The following SYNPR variants were observed in gnomAD, a reference collection of about 807,000 sequenced individuals.
SYNPR encodes synaptoporin.
SYNPR carries 23 observed loss-of-function variants against 32.9 expected under a neutral mutation model. The ratio of observed to expected loss-of-function variants is 0.70; its 90% CI spans 0.50 to 0.99. SYNPR has a LOEUF of 0.99. Ranked by LOEUF, SYNPR falls within the 50% of genes least tolerant of loss-of-function variation. SYNPR has a pLI of 0.00. For missense variants in SYNPR, 318 were observed against 349.3 expected (o/e 0.91, Z 0.71); for synonymous variants, 146 against 135.9 (o/e 1.07, Z -0.52).
At chr3:63,532,296 A>G (rs892193207) in intron 3 of SYNPR, among the ~76,000 whole-genome samples, 6 of 152,210 alleles carry the variant, frequency 3.9e-5, no homozygotes, top group Non-Finnish European at 5.9e-5. Flanking sequence ...TATGTTCCAA[A>G]TAACAGTTCT....
chr3:63,497,635 T>A (rs896803884), intron 3 of SYNPR, among the ~76,000 whole-genome samples: 1 of 152,058 alleles, frequency 6.6e-6, no homozygotes, highest in African/African-American at 2.4e-5. Context: ...CTACTCTGAT[T>A]ACCATGGTCT....
chr3:63,376,365 A>T (rs1306878668), intron 2 of SYNPR, among the ~76,000 whole-genome samples: 2 of 152,174 alleles, frequency 1.3e-5, no homozygotes, highest in Admixed American at 1.3e-4. Context: ...ATCCCCTTTC[A>T]AAAACCTCTA....
intron 2 of SYNPR, among the ~76,000 whole-genome samples, chr3:63,344,212 G>A (rs2087407343): frequency 6.6e-6 from 1 of 152,118 alleles, no homozygotes; most frequent in South Asian, 2.1e-4. Flanking sequence ...ATTAAAAAAA[G>A]AAGACCCAAA....
At chr3:63,432,256 C>A (rs1439145214) in intron 2 of SYNPR, among the ~76,000 whole-genome samples, 3 of 152,074 alleles carry the variant, frequency 2.0e-5, no homozygotes, top group South Asian at 2.1e-4. Context: ...GAATCATCTC[C>A]CAAATAAACT....
At chr3:63,605,299 A>C (rs1360279733) in intron 4 of SYNPR, among the ~76,000 whole-genome samples, 1 of 152,208 alleles carries the variant, frequency 6.6e-6, no homozygotes, top group African/African-American at 2.4e-5. Flanking sequence ...AAGGATAAGA[A>C]AGGAATTCTG....
intron 3 of SYNPR, among the ~76,000 whole-genome samples, chr3:63,525,194 C>T (rs778466747): frequency 3.9e-5 from 6 of 152,152 alleles, no homozygotes; most frequent in Non-Finnish European, 5.9e-5. Flanking sequence ...CATCAAAATA[C>T]TAGTTTTCAT....
Position 63,609,166 on chromosome 3 carries a change from G to T in SYNPR, c.450G>T (p.Val150=). 1 of 1,610,932 alleles carries T rather than the reference G, an allele frequency of 6.2e-7. No homozygotes were observed. Among genetic ancestry groups the T allele is most frequent in the Non-Finnish European group, 8.5e-7 (1 of 1,178,538 alleles). ...TAGTCTTTTCGTTCTTGTGGTTGGT[G>T]GGTTCATCAGCTTGGGCAAAAGGAC... ...VTVVFSFLWL[V]GSSAWAKGLS... Residue 150 remains valine (V), a synonymous_variant, in exon 5 of 6, where the codon GTG becomes GTT. Transcript: ENST00000478300.
At chr3:63,540,042 C>G (rs188948270) in intron 3 of SYNPR, among the ~76,000 whole-genome samples, 27 of 152,270 alleles carry the variant, frequency 1.8e-4, no homozygotes, top group Middle Eastern at 3.4e-3. Context: ...ATATCAATAT[C>G]TACAGGAGCT....
At chr3:63,462,696 A>G (rs1395138286) in intron 2 of SYNPR, among the ~76,000 whole-genome samples, 2 of 152,176 alleles carry the variant, frequency 1.3e-5, no homozygotes, top group Non-Finnish European at 2.9e-5. Context: ...ATCTCTTTGG[A>G]ATGATGATAT....
intron 3 of SYNPR, among the ~76,000 whole-genome samples, chr3:63,534,576 C>A (rs567928667): frequency 1.2e-4 from 18 of 152,214 alleles, no homozygotes; most frequent in Middle Eastern, 3.4e-3. Context: ...TTTATAAGAA[C>A]CTGTCAGTAC....
intron 2 of SYNPR, among the ~76,000 whole-genome samples, chr3:63,347,797 C>T (rs1416270171): frequency 3.3e-5 from 5 of 151,736 alleles, no homozygotes; most frequent in Admixed American, 2.6e-4. Context: ...CTGCAAAAGA[C>T]ATGATTTTAT....
chr3:63,372,723 G>A (rs2087834472), intron 2 of SYNPR, among the ~76,000 whole-genome samples: 1 of 152,184 alleles, frequency 6.6e-6, no homozygotes, highest in Admixed American at 6.5e-5. Flanking sequence ...TTCCCCTGCT[G>A]CCTCCAAGCT....
At chr3:63,584,350 C>T (rs11709387) in intron 4 of SYNPR, among the ~76,000 whole-genome samples, 37,928 of 151,854 alleles carry the variant, frequency 0.25, 5,116 homozygotes, top group South Asian at 0.44. Context: ...AGAGAACACA[C>T]GAGTTAAAGC....
chr3:63,221,363 T>C, the SYNPR span, among the ~76,000 whole-genome samples: 1 of 152,176 alleles, frequency 6.6e-6, no homozygotes, highest in African/African-American at 2.4e-5. Context: ...AATATGCTTA[T>C]ATTCATTATA....
intron 3 of SYNPR, among the ~76,000 whole-genome samples, chr3:63,492,292 C>A (rs910958806): frequency 6.6e-6 from 1 of 152,076 alleles, no homozygotes; most frequent in Admixed American, 6.6e-5. Context: ...CCACAGAAAC[C>A]CTTGCTGAAC....
chr3:63,285,247 A>T (rs1052051155), intron 2 of SYNPR, among the ~76,000 whole-genome samples: 3 of 152,244 alleles, frequency 2.0e-5, no homozygotes, highest in Non-Finnish European at 4.4e-5. Context: ...ATTTTCTGTT[A>T]GTTATTAATT....
At chr3:63,533,312 AG>A (rs148778303) in intron 3 of SYNPR, among the ~76,000 whole-genome samples, 3,120 of 152,280 alleles carry the variant, frequency 0.02, 107 homozygotes, top group African/African-American at 0.071. Context: ...ATCCCTTGGA[AG>A]AGAGCTCTGG....
intron 2 of SYNPR, among the ~76,000 whole-genome samples, chr3:63,369,113 A>C (rs1365499108): frequency 2.0e-5 from 3 of 152,138 alleles, no homozygotes; most frequent in East Asian, 3.9e-4. Flanking sequence ...TTAGAGTGGG[A>C]ACTTAATCCA....
intron 1 of SYNPR, among the ~76,000 whole-genome samples, chr3:63,237,328 T>C (rs2086207440): frequency 6.6e-6 from 1 of 152,078 alleles, no homozygotes; most frequent in Non-Finnish European, 1.5e-5. Flanking sequence ...TCATCTCCAC[T>C]CTACCACCGA....
Sources: allele counts gnomAD v4.1 joint callset (sites outside exome capture counted in the v4.1 genomes callset), GRCh38; gene constraint gnomAD v4.1.1; transcripts MANE v1.5; gene names NCBI Gene and HGNC (gene_info 2026-07-23, HGNC 2026-07-21).